The following ROBO1 variants were observed in gnomAD, a reference collection of about 807,000 sequenced individuals.
The protein encoded by ROBO1 is roundabout guidance receptor 1.
Under a neutral mutation model 195.9 loss-of-function variants are expected in ROBO1, and 149 were observed. The observed-to-expected ratio is 0.76, with a 90% CI of 0.67 to 0.87. The LOEUF is 0.87. Ranked by LOEUF, ROBO1 falls within the 40% of genes least tolerant of loss-of-function variation. ROBO1 has a pLI of 0.00. For synonymous variants in ROBO1, 816 were observed against 733.2 expected, an observed-to-expected ratio of 1.11 and a Z score of -1.82; for missense variants, 1,933 against 2,068.3, an observed-to-expected ratio of 0.93 and a Z score of 1.27.
chr3:79,079,466 C>T (rs905306834), intron 3 of ROBO1, among the ~76,000 whole-genome samples: 3 of 151,674 alleles, frequency 2.0e-5, no homozygotes, highest in African/African-American at 4.8e-5. Context: ...AAAACAGTTA[C>T]GAGTGAAAAG....
intron 2 of ROBO1, among the ~76,000 whole-genome samples, chr3:79,268,295 T>G (rs1000448849): frequency 4.0e-5 from 6 of 151,660 alleles, no homozygotes; most frequent in African/African-American, 1.4e-4. Flanking sequence ...ACACAAACCT[T>G]ACTACAACAT....
At chr3:79,647,495 T>C (rs1303304441) in intron 1 of ROBO1, among the ~76,000 whole-genome samples, 3 of 152,040 alleles carry the variant, frequency 2.0e-5, no homozygotes. Context: ...TCTGGGGTAA[T>C]GTTCTCAATT....
In ROBO1 at chr3:78,676,484, G is replaced by A. The variant is rs533216242; in HGVS notation, c.1343-6183C>T. On this transcript the variant is annotated intron_variant, in intron 10 of 30. Coordinates refer to ENST00000464233, the MANE Select transcript of ROBO1 (RefSeq NM_002941.4). ...CCAATACAGAGAAGTGCCTAAAGGA[G>A]CTGATGGAGCTGAAAGCCAAAGCTC... Among the ~76,000 whole-genome samples the A allele has an allele frequency of 3.1e-3, 475 of 152,302 alleles. 3 individuals carry two copies. Among genetic ancestry groups the A allele is most frequent in the Non-Finnish European group, 4.5e-3 (309 of 68,030 alleles).
At chr3:79,585,445 T>A (rs1460717758) in intron 2 of ROBO1, among the ~76,000 whole-genome samples, 1 of 151,994 alleles carries the variant, frequency 6.6e-6, no homozygotes, top group Non-Finnish European at 1.5e-5. Context: ...TCCAACAGGA[T>A]ATATTATGTT....
chr3:79,105,516 A>G (rs1160375629), intron 3 of ROBO1, among the ~76,000 whole-genome samples: 2 of 151,752 alleles, frequency 1.3e-5, no homozygotes, highest in Non-Finnish European at 3.0e-5. Flanking sequence ...TACTTAACCT[A>G]TAGGTGAAAA....
intron 3 of ROBO1, among the ~76,000 whole-genome samples, chr3:79,099,476 T>C (rs2079635012): frequency 6.6e-6 from 1 of 151,672 alleles, no homozygotes; most frequent in Admixed American, 6.6e-5. Flanking sequence ...GACACTGAGA[T>C]AGACTTGAAG....
intron 26 of ROBO1, among the ~76,000 whole-genome samples, chr3:78,625,260 AC>A (rs1255258183): frequency 6.6e-6 from 1 of 152,192 alleles, no homozygotes; most frequent in Non-Finnish European, 1.5e-5. Flanking sequence ...TTCATGAATA[AC>A]CTCATTTGTA....
intron 3 of ROBO1, among the ~76,000 whole-genome samples, chr3:78,986,973 C>G (rs1304096488): frequency 6.6e-6 from 1 of 152,076 alleles, no homozygotes; most frequent in African/African-American, 2.4e-5. Flanking sequence ...TACTTATTAT[C>G]TCTTTGTTTT....
chr3:79,384,745 C>G (rs1157806147), intron 2 of ROBO1, among the ~76,000 whole-genome samples: 1 of 152,032 alleles, frequency 6.6e-6, no homozygotes, highest in South Asian at 2.1e-4. Context: ...CGTATACACA[C>G]ATAAGCACAC....
intron 10 of ROBO1, among the ~76,000 whole-genome samples, chr3:78,671,323 A>T (rs2107720743): frequency 6.6e-6 from 1 of 152,228 alleles, no homozygotes; most frequent in South Asian, 2.1e-4. Context: ...CTTAAAAACC[A>T]AATTTCAGAA....
intron 5 of ROBO1, among the ~76,000 whole-genome samples, chr3:78,727,924 T>G (rs1485471720): frequency 6.6e-6 from 1 of 152,052 alleles, no homozygotes; most frequent in East Asian, 1.9e-4. Flanking sequence ...TATATTTATT[T>G]GTACTAATCT....
chr3:78,905,027 TA>T (rs10717278), intron 4 of ROBO1, among the ~76,000 whole-genome samples: 67,588 of 151,418 alleles, frequency 0.45, 17,214 homozygotes, highest in African/African-American at 0.72. Flanking sequence ...TCATATTTAT[TA>T]TGGGGTCTTA....
intron 3 of ROBO1, among the ~76,000 whole-genome samples, chr3:79,062,068 A>G (rs2078928409): frequency 6.6e-6 from 1 of 152,144 alleles, no homozygotes; most frequent in Non-Finnish European, 1.5e-5. Context: ...CAGGCAACCT[A>G]CAGGATGGGA....
intron 4 of ROBO1, among the ~76,000 whole-genome samples, chr3:78,917,868 C>T (rs1467179966): frequency 6.6e-6 from 1 of 152,178 alleles, no homozygotes; most frequent in Non-Finnish European, 1.5e-5. Context: ...TTTCCAACCA[C>T]AACTCTCAGC....
At chr3:79,736,056 T>C (rs936947351) in intron 1 of ROBO1, among the ~76,000 whole-genome samples, 4 of 152,118 alleles carry the variant, frequency 2.6e-5, no homozygotes, top group African/African-American at 9.7e-5. Context: ...TAAAAAAAAT[T>C]AAGTAAATGA....
intron 3 of ROBO1, among the ~76,000 whole-genome samples, chr3:78,962,816 T>C (rs1576476027): frequency 1.1e-5 from 1 of 94,864 alleles, no homozygotes; most frequent in African/African-American, 4.7e-5. Flanking sequence ...AGAGTGAGAC[T>C]CCATCTCAAA....
intron 3 of ROBO1, among the ~76,000 whole-genome samples, chr3:78,976,354 T>C (rs1392754493): frequency 2.0e-5 from 3 of 152,194 alleles, no homozygotes; most frequent in Non-Finnish European, 2.9e-5. Context: ...GTTTCATTAG[T>C]ACTGTTAGTG....
chr3:79,220,079 T>C (rs933020978), intron 2 of ROBO1, among the ~76,000 whole-genome samples: 6 of 152,086 alleles, frequency 3.9e-5, no homozygotes, highest in African/African-American at 1.4e-4. Flanking sequence ...CAATTTCACA[T>C]AGGTGTGTGA....
At chr3:79,407,612 G>T (rs1190104143) in intron 2 of ROBO1, among the ~76,000 whole-genome samples, 1 of 152,026 alleles carries the variant, frequency 6.6e-6, no homozygotes, top group Non-Finnish European at 1.5e-5. Flanking sequence ...TTATTTTAGT[G>T]GGTATGAGCC....
Sources: gnomAD v4.1 joint callset for allele counts (sites outside exome capture counted in the v4.1 genomes callset) on GRCh38, gnomAD v4.1.1 for gene constraint, MANE v1.5 for transcripts, NCBI Gene and HGNC (gene_info 2026-07-23, HGNC 2026-07-21) for gene names.